The following FBXO21 variants were observed in gnomAD, a reference collection of about 807,000 sequenced individuals.
FBXO21 encodes the protein F-box protein 21, also known as F-box only protein 21.
A neutral mutation model predicts 76.6 loss-of-function variants in FBXO21; 32 were observed. The ratio of observed to expected loss-of-function variants is 0.42; its 90% confidence interval spans 0.32 to 0.56. The LOEUF (loss-of-function observed/expected upper bound fraction) is 0.56, where lower values mean the gene tolerates loss of function less well. Ranked by LOEUF, FBXO21 falls within the 20% of genes least tolerant of loss-of-function variation. The pLI is 0.16. For synonymous variants in FBXO21, 328 were observed against 311.5 expected, an observed-to-expected ratio of 1.05 and a Z score of -0.56; for missense variants, 586 against 797.3, an observed-to-expected ratio of 0.73 and a Z score of 3.19.
intron 1 of FBXO21, among the ~76,000 whole-genome samples, chr12:117,189,984 C>T (rs1397337128): frequency 6.6e-6 from 1 of 152,160 alleles, no homozygotes; most frequent in East Asian, 1.9e-4. Context: ...TCACCCTTGA[C>T]GGAGGACCCG....
intron 5 of FBXO21, 108 bp downstream of exon 5, chr12:117,174,543 T>A (rs906890944): frequency 7.3e-7 from 1 of 1,367,790 alleles, no homozygotes; most frequent in Admixed American, 2.1e-5. Flanking sequence ...CACGTCATTT[T>A]ATCACTTTTT....
At position 117,174,331 on chromosome 12, in the gene FBXO21, G is replaced by A. The variant is rs1956152442; in HGVS notation, c.750C>T (p.Ser250=). 1.2e-6 allele frequency: 2 copies of A among 1,613,190 alleles called. No homozygotes were observed. The highest frequency in any genetic ancestry group is 1.7e-6 in the Non-Finnish European group (2 of 1,179,706). The change falls in exon 6 of 12, where the codon TCC becomes TCT. Residue 250 remains serine (S), a synonymous_variant. Coordinates refer to ENST00000622495, the MANE Select transcript of FBXO21 (RefSeq NM_015002.3). ...TCTGGAGTTCTATTTCCATTATCAT[G>A]GATGATTCACCTGAAACACAGAGAT... ...PSLAFKAGES[S]MIMEIELQSQ...
intron 6 of FBXO21, among the ~76,000 whole-genome samples, chr12:117,173,246 G>T (rs1048543593): frequency 7.9e-5 from 12 of 152,098 alleles, no homozygotes; most frequent in African/African-American, 2.9e-4. Flanking sequence ...GGCCAGGCTG[G>T]TCTCGAACTC....
intron 11 of FBXO21, among the ~76,000 whole-genome samples, chr12:117,146,962 G>A (rs1345692954): frequency 6.6e-6 from 1 of 152,138 alleles, no homozygotes; most frequent in East Asian, 1.9e-4. Flanking sequence ...AGAAAATAAG[G>A]CTGGGAGCAG....
intron 9 of FBXO21, among the ~76,000 whole-genome samples, chr12:117,162,391 C>T (rs892946276): frequency 6.6e-6 from 1 of 152,196 alleles, no homozygotes; most frequent in East Asian, 1.9e-4. Flanking sequence ...AGTGCCGTCA[C>T]GGCATGTGCA....
chr12:117,181,716 G>A (rs1004502746), intron 3 of FBXO21, among the ~76,000 whole-genome samples: 1 of 151,966 alleles, frequency 6.6e-6, no homozygotes, highest in Non-Finnish European at 1.5e-5. Context: ...GCGGCATAAT[G>A]TCAGCTCACT....
intron 11 of FBXO21, among the ~76,000 whole-genome samples, chr12:117,148,600 C>A (rs979688968): frequency 3.3e-5 from 5 of 152,258 alleles, no homozygotes; most frequent in Non-Finnish European, 2.9e-5. Flanking sequence ...CCAGACCCCA[C>A]AGCGGTGTCA....
At chr12:117,151,326 G>A (rs1955840458) in intron 11 of FBXO21, among the ~76,000 whole-genome samples, 1 of 145,724 alleles carries the variant, frequency 6.9e-6, no homozygotes, top group African/African-American at 2.4e-5. Context: ...GCAAGATGCC[G>A]GACATCCCAT....
rs138738080 is a variant in FBXO21, at chr12:117,189,254, C to T, written c.348G>A (p.Ser116=). Residue 116 remains serine, a synonymous_variant, in exon 2 of 12, where the codon TCG becomes TCA. Coordinates refer to ENST00000622495, the MANE Select transcript of FBXO21 (RefSeq NM_015002.3). ...GCTCTGAAAAGAACCTCTTTGAGAA[C>T]GAGGCTACAATCTTCCGCGCTTCTA... ...AGLEARKIVA[S]FSKRFFSEHV... The T allele has an allele frequency of 6.2e-7, 1 of 1,614,170 alleles. No homozygotes were observed. Among genetic ancestry groups the T allele is most frequent in the African/African-American group, 1.3e-5 (1 of 75,030 alleles).
intron 4 of FBXO21, among the ~76,000 whole-genome samples, chr12:117,175,301 G>C (rs899634988): frequency 2.0e-5 from 3 of 152,188 alleles, no homozygotes; most frequent in Non-Finnish European, 4.4e-5. Context: ...ATGGATTCTG[G>C]AGCTAACCCC....
chr12:117,156,691 C>T (rs1592872872), intron 10 of FBXO21, among the ~76,000 whole-genome samples: 1 of 152,130 alleles, frequency 6.6e-6, no homozygotes. Flanking sequence ...AGGAACACCA[C>T]CTGGTTCCTT....
chr12:117,189,691 T>C (rs1288441733), intron 1 of FBXO21, among the ~76,000 whole-genome samples: 1 of 151,934 alleles, frequency 6.6e-6, no homozygotes, highest in Non-Finnish European at 1.5e-5. Context: ...CCGGACATCA[T>C]CTAATTTAAT....
chr12:117,189,740 CAA>C (rs1956325238), intron 1 of FBXO21, among the ~76,000 whole-genome samples: 1 of 152,126 alleles, frequency 6.6e-6, no homozygotes, highest in Non-Finnish European at 1.5e-5. Flanking sequence ...CACCACCACT[CAA>C]AGTCTATGAA....
intron 2 of FBXO21, among the ~76,000 whole-genome samples, chr12:117,187,420 CAAAAAA>C (rs921514232): frequency 1.7e-5 from 1 of 59,694 alleles, no homozygotes; most frequent in Non-Finnish European, 3.0e-5. Context: ...AACTCTGTCT[CAAAAAA>C]AAAAAAAAAA....
At chr12:117,153,793 T>A (rs969719925) in intron 11 of FBXO21, among the ~76,000 whole-genome samples, 1 of 152,260 alleles carries the variant, frequency 6.6e-6, no homozygotes, top group East Asian at 1.9e-4. Context: ...AAGAAGCCAA[T>A]TTGCTAACAT....
Position 117,143,791 on chromosome 12 carries a change from G to T in FBXO21, c.*2296C>A, listed in dbSNP as rs1424170987. 1 of 152,588 alleles carries T rather than the reference G, an allele frequency of 6.6e-6. No individual in the cohort carries two copies. The highest frequency in any genetic ancestry group is 1.9e-4 in the East Asian group (1 of 5,196). The allele number at this position is 152,588 out of a possible 1,614,324, so 9.5% of individuals were successfully genotyped here. On this transcript the variant is annotated 3_prime_UTR_variant, in exon 12 of 12. Coordinates refer to ENST00000622495, the MANE Select transcript of FBXO21 (RefSeq NM_015002.3). Reference sequence around the variant, plus strand: ...GCAGGCCATTTGCGTGGTTTCTCTGGATAAGTTCCATTTATTAATCATTGT... The same window carrying T: ...GCAGGCCATTTGCGTGGTTTCTCTGTATAAGTTCCATTTATTAATCATTGT...
intron 9 of FBXO21, among the ~76,000 whole-genome samples, chr12:117,158,584 T>C (rs1955943516): frequency 1.3e-5 from 2 of 152,196 alleles, no homozygotes; most frequent in Non-Finnish European, 2.9e-5. Flanking sequence ...GCCTCAGTGC[T>C]GGAAAAGATG....
chr12:117,167,046 T>C lies in FBXO21; in HGVS notation c.1045A>G (p.Ile349Val), dbSNP rs753087199. 10 of 1,614,028 alleles carry C rather than the reference T, an allele frequency of 6.2e-6. No homozygotes were observed. The highest frequency in any genetic ancestry group is 2.7e-5 in the African/African-American group (2 of 74,924). The change falls in exon 8 of 12, where the codon ATA (isoleucine) becomes GTA (valine). Residue 349 changes from isoleucine (I) to valine (V), a missense_variant. By Grantham distance (29) the Ile-to-Val change is conservative. Transcript: ENST00000622495. Reference protein sequence around the residue: ...ATLDIFDYIYIDAFGKGKQLT... With the variant: ...ATLDIFDYIYVDAFGKGKQLT... ...TGCTTGCCTTTCCCAAAAGCATCTA[T>C]GTAGATGTAGTCAAAGATGTCCAGG...
rs780469113 is a variant in FBXO21 at position 117,172,461 on chromosome 12, G to A, written c.1013+10C>T. On this transcript the variant is annotated intron_variant, in intron 7 of 11. Coordinates refer to ENST00000622495, the MANE Select transcript of FBXO21 (RefSeq NM_015002.3). ...TTCAGGACCACAGATAATGTGTCAC[G>A]GATGCTCACCCTTCTGCGCCTTGGC... The A allele has an allele frequency of 8.1e-6, 13 of 1,609,376 alleles. No homozygotes were observed. Among genetic ancestry groups the A allele is most frequent in the Middle Eastern group, 1.8e-4 (1 of 5,632 alleles).
Sources: allele counts gnomAD v4.1 joint callset (sites outside exome capture counted in the v4.1 genomes callset), GRCh38; gene constraint gnomAD v4.1.1; transcripts MANE v1.5; gene names NCBI Gene and HGNC (gene_info 2026-07-23, HGNC 2026-07-21).